Variants in ANO1 observed in about 807,000 individuals in gnomAD.
ANO1 encodes the protein anoctamin 1, also known as anoctamin-1.
ANO1 carries 59 observed loss-of-function variants against 124.0 expected under a neutral mutation model. The ratio of observed to expected loss-of-function variants is 0.48; its 90% CI spans 0.39 to 0.59. The LOEUF (loss-of-function observed/expected upper bound fraction) is 0.59. ANO1 is among the 20% of genes least tolerant of loss of function. The probability of loss-of-function intolerance (pLI) is 0.00; values close to 1 mark genes in which losing one functional copy is unlikely to be tolerated. For synonymous variants in ANO1, 529 were observed against 532.0 expected, an observed-to-expected ratio of 0.99 and a Z score of 0.08; for missense variants, 1,059 against 1,328.0, an observed-to-expected ratio of 0.80 and a Z score of 3.15.
At chr11:70,019,034 C>T (rs143755703) in intron 1 of ANO1, among the ~76,000 whole-genome samples, 4 of 152,330 alleles carry the variant, frequency 2.6e-5, no homozygotes, top group East Asian at 1.9e-4. Context: ...AGCCATGTGG[C>T]GGAGGGGGGC....
intron 22 of ANO1, among the ~76,000 whole-genome samples, chr11:70,178,076 T>A (rs1009372994): frequency 6.6e-6 from 1 of 152,170 alleles, no homozygotes; most frequent in African/African-American, 2.4e-5. Context: ...GTGCAGTCAC[T>A]CAGCAAACAT....
chr11:70,150,696 G>A (rs1461712172), intron 12 of ANO1, among the ~76,000 whole-genome samples: 1 of 151,998 alleles, frequency 6.6e-6, no homozygotes, highest in African/African-American at 2.4e-5. Flanking sequence ...AACCATGCCT[G>A]GCGAATTGTT....
chr11:70,179,150 C>A (rs566151513), intron 22 of ANO1, among the ~76,000 whole-genome samples: 9 of 152,370 alleles, frequency 5.9e-5, no homozygotes, highest in African/African-American at 2.2e-4. Flanking sequence ...TTGCTCCATC[C>A]TGGCCGTTTC....
chr11:70,092,260 C>A (rs1226346894), intron 2 of ANO1, among the ~76,000 whole-genome samples: 1 of 152,226 alleles, frequency 6.6e-6, no homozygotes, highest in Non-Finnish European at 1.5e-5. Context: ...AACTCGGTTA[C>A]ATCTGCAAAG....
chr11:69,987,808 T>C (rs529398770), intron 1 of ANO1, among the ~76,000 whole-genome samples: 70 of 152,232 alleles, frequency 4.6e-4, no homozygotes, highest in African/African-American at 1.6e-3. Flanking sequence ...GGCTTTACAT[T>C]TGGGCATGGG....
chr11:70,001,037 G>C (rs893368897), intron 1 of ANO1, among the ~76,000 whole-genome samples: 1 of 152,156 alleles, frequency 6.6e-6, no homozygotes, highest in Non-Finnish European at 1.5e-5. Context: ...CAAACACATA[G>C]TCTGTGGCCC....
intron 1 of ANO1, among the ~76,000 whole-genome samples, chr11:70,004,835 G>A (rs1041651459): frequency 2.6e-5 from 4 of 152,122 alleles, no homozygotes; most frequent in Non-Finnish European, 4.4e-5. Flanking sequence ...GACAGAGGCC[G>A]GGCGCTGTGG....
intron 22 of ANO1, among the ~76,000 whole-genome samples, chr11:70,171,931 G>A (rs755454338): frequency 2.0e-5 from 3 of 151,970 alleles, no homozygotes; most frequent in Non-Finnish European, 2.9e-5. Flanking sequence ...CCATGCCTGG[G>A]CAACAGAGTG....
intron 1 of ANO1, among the ~76,000 whole-genome samples, chr11:70,067,970 G>A (rs1857773857): frequency 6.6e-6 from 1 of 152,008 alleles, no homozygotes; most frequent in African/African-American, 2.4e-5. Context: ...TCTGTGCCCT[G>A]GGCTCACAGC....
chr11:70,107,181 G>A (rs950827246), intron 5 of ANO1, among the ~76,000 whole-genome samples: 2 of 152,170 alleles, frequency 1.3e-5, no homozygotes, highest in East Asian at 1.9e-4. Context: ...CCTAGTGGGC[G>A]ATTCCTTCCT....
At position 70,095,291 on chromosome 11, in the gene ANO1, G is replaced by GGAAAGAAA. The variant is rs1565193223; in HGVS notation, c.441+7210_441+7211insAGAAAGAA. ...AGGAAGGAAGGAAGGAAGGAAGGAA[G>GGAAAGAAA]GAAGGAAGGAAAGAAAGAAAGAAAG... is the stretch of plus-strand genomic sequence containing the variant. On this transcript the variant is annotated intron_variant, in intron 2 of 25. Transcript: ENST00000355303. 1.1e-3 allele frequency among the ~76,000 whole-genome samples: 80 copies of GGAAAGAAA among 75,324 alleles called. 5 individuals are homozygous for GGAAAGAAA. The highest frequency in any genetic ancestry group is 1.4e-3 in the East Asian group (5 of 3,546). 49.4% of individuals were successfully genotyped at this position (75,324 alleles called of 152,430 possible). A position where few individuals can be genotyped will look rare whatever the true frequency, so the allele number is the denominator to read the frequency against.
chr11:70,161,130 C>A, intron 16 of ANO1, 31 bp from the exon 17 acceptor site: 1 of 1,595,206 alleles, frequency 6.3e-7, no homozygotes, highest in Non-Finnish European at 8.5e-7. Flanking sequence ...GGGTGGGCCC[C>A]CAACCAAGAG....
At chr11:70,166,920 C>T (rs2048276582) in intron 20 of ANO1, among the ~76,000 whole-genome samples, 2 of 152,124 alleles carry the variant, frequency 1.3e-5, no homozygotes, top group Non-Finnish European at 2.9e-5. Context: ...CACAGATGGG[C>T]GGATTGCCTG....
In ANO1 at chr11:69,995,883, C is replaced by T. The variant is rs191144059; in HGVS notation, c.58+9717C>T. Among the ~76,000 whole-genome samples the T allele has an allele frequency of 9.3e-4, 142 of 152,210 alleles. 1 individual carries two copies. The highest frequency in any genetic ancestry group is 2.7e-3 in the African/African-American group (111 of 41,528). ...GCACTTTGGGAGGCAGAGGTGGAGGCGGGTGGATCACCTGAGGTCAGGAGT... is the reference window on the plus strand; with the variant it reads ...GCACTTTGGGAGGCAGAGGTGGAGGTGGGTGGATCACCTGAGGTCAGGAGT... On this transcript the variant is annotated intron_variant, in intron 1 of 27. Coordinates refer to the ANO1 transcript ENST00000531349.
chr11:70,107,401 C>T (rs549173336), intron 5 of ANO1, among the ~76,000 whole-genome samples: 4 of 151,232 alleles, frequency 2.6e-5, no homozygotes, highest in South Asian at 4.2e-4. Flanking sequence ...ACAGCCAGGG[C>T]GGAGGCCCTG....
chr11:70,042,266 C>T (rs142816497), intron 1 of ANO1, among the ~76,000 whole-genome samples: 333 of 152,190 alleles, frequency 2.2e-3, no homozygotes, highest in African/African-American at 7.5e-3. Context: ...GGGCTGATTC[C>T]TGAGAAAAGT....
intron 19 of ANO1, 41 bp from the exon 20 acceptor site, chr11:70,165,429 G>A (rs148939232): frequency 7.8e-6 from 12 of 1,536,906 alleles, no homozygotes; most frequent in South Asian, 3.5e-5. Flanking sequence ...TCCCTCTCTC[G>A]GTGTCCCTGT....
intron 12 of ANO1, among the ~76,000 whole-genome samples, chr11:70,151,136 C>T (rs972805522): frequency 2.6e-5 from 4 of 152,256 alleles, no homozygotes; most frequent in Non-Finnish European, 4.4e-5. Flanking sequence ...AGTGTCCTCA[C>T]TTGATGGCAT....
At chr11:69,976,928 A>T in the ANO1 span, among the ~76,000 whole-genome samples, 1 of 151,622 alleles carries the variant, frequency 6.6e-6, no homozygotes, top group African/African-American at 2.4e-5. Flanking sequence ...CGTCATGTTC[A>T]TCCCCCCGGG....
Sources: gnomAD v4.1 joint callset for allele counts (sites outside exome capture counted in the v4.1 genomes callset) on GRCh38, gnomAD v4.1.1 for gene constraint, MANE v1.5 for transcripts, NCBI Gene and HGNC (gene_info 2026-07-23, HGNC 2026-07-21) for gene names.